CREB5: variants seen among roughly 807,000 people sequenced by gnomAD.
The protein encoded by CREB5 is cAMP responsive element binding protein 5.
A neutral mutation model predicts 57.1 loss-of-function variants in CREB5; 19 were observed. The ratio of observed to expected loss-of-function variants is 0.33; its 90% confidence interval spans 0.23 to 0.49. The LOEUF is 0.49. CREB5 is among the 20% of genes least tolerant of loss of function. CREB5 has a pLI of 0.99. For missense variants in CREB5, 579 were observed against 671.6 expected (o/e 0.86, Z 1.52); for synonymous variants, 238 against 238.3 (o/e 1.00, Z 0.01).
At chr7:28,478,906 C>A (rs923303138) in intron 1 of CREB5, among the ~76,000 whole-genome samples, 1 of 152,186 alleles carries the variant, frequency 6.6e-6, no homozygotes, top group Non-Finnish European at 1.5e-5. Flanking sequence ...TGGCAACAGA[C>A]CCCAGCCCTC....
chr7:28,456,744 T>C (rs921345474), intron 1 of CREB5, among the ~76,000 whole-genome samples: 8 of 152,264 alleles, frequency 5.3e-5, no homozygotes, highest in African/African-American at 1.7e-4. Flanking sequence ...ATATGGGTGT[T>C]GTGTCTGCCA....
intron 1 of CREB5, among the ~76,000 whole-genome samples, chr7:28,398,278 C>A (rs772934107): frequency 6.6e-6 from 1 of 152,082 alleles, no homozygotes; most frequent in Non-Finnish European, 1.5e-5. Context: ...ATGAGTAGAG[C>A]GCTCCATGGT....
At chr7:28,641,679 A>G (rs1187896590) in intron 5 of CREB5, among the ~76,000 whole-genome samples, 1 of 152,218 alleles carries the variant, frequency 6.6e-6, no homozygotes, top group African/African-American at 2.4e-5. Flanking sequence ...TCTGCCAGAA[A>G]GGAAATGGTG....
chr7:28,404,568 G>T (rs1456878013), intron 1 of CREB5, among the ~76,000 whole-genome samples: 1 of 152,092 alleles, frequency 6.6e-6, no homozygotes, highest in Admixed American at 6.6e-5. Flanking sequence ...GCTCCACCAG[G>T]CTTCTTTTAT....
chr7:28,487,851 A>G (rs2128593826), intron 1 of CREB5, among the ~76,000 whole-genome samples: 1 of 152,316 alleles, frequency 6.6e-6, no homozygotes, highest in South Asian at 2.1e-4. Context: ...CTTCTTGCAT[A>G]GGTGTGGTCT....
At chr7:28,618,899 G>A (rs1413319106) in intron 5 of CREB5, among the ~76,000 whole-genome samples, 2 of 152,194 alleles carry the variant, frequency 1.3e-5, no homozygotes, top group African/African-American at 2.4e-5. Context: ...TTCTCTTCAA[G>A]TTAACAGCAG....
chr7:28,432,114 G>A (rs2128556189), intron 1 of CREB5, among the ~76,000 whole-genome samples: 1 of 151,538 alleles, frequency 6.6e-6, no homozygotes, highest in East Asian at 2.0e-4. Context: ...ATAAAAACAT[G>A]CACTGAAACT....
At chr7:28,485,823 G>A (rs1791521538) in intron 1 of CREB5, among the ~76,000 whole-genome samples, 1 of 151,878 alleles carries the variant, frequency 6.6e-6, no homozygotes, top group South Asian at 2.1e-4. Flanking sequence ...CATTTTCTCA[G>A]CTTTAAAGTC....
chr7:28,806,942 C>T (rs544570134), intron 8 of CREB5, among the ~76,000 whole-genome samples: 9 of 152,154 alleles, frequency 5.9e-5, no homozygotes, highest in Admixed American at 4.6e-4. Flanking sequence ...CAAAAATATC[C>T]GAGCAGTTAG....
chr7:28,538,741 T>C (rs1279781059), intron 4 of CREB5, among the ~76,000 whole-genome samples: 1 of 152,226 alleles, frequency 6.6e-6, no homozygotes, highest in Non-Finnish European at 1.5e-5. Context: ...AGCTGTGCAT[T>C]TCCTTCTAAG....
intron 7 of CREB5, among the ~76,000 whole-genome samples, chr7:28,766,204 A>G (rs539224225): frequency 3.3e-5 from 5 of 152,284 alleles, no homozygotes; most frequent in Non-Finnish European, 5.9e-5. Flanking sequence ...GTTATGCACC[A>G]TCTCTTTAAA....
intron 4 of CREB5, among the ~76,000 whole-genome samples, chr7:28,549,740 T>G (rs1157651645): frequency 6.6e-6 from 1 of 152,170 alleles, no homozygotes; most frequent in Non-Finnish European, 1.5e-5. Flanking sequence ...TTATTAATTA[T>G]TATCAAGTAT....
intron 4 of CREB5, among the ~76,000 whole-genome samples, chr7:28,567,665 A>G (rs1353027838): frequency 1.3e-5 from 2 of 152,256 alleles, no homozygotes; most frequent in Non-Finnish European, 2.9e-5. Context: ...GTTTGCCTAC[A>G]TGATGATTGA....
intron 4 of CREB5, among the ~76,000 whole-genome samples, chr7:28,527,338 CT>C (rs1793490715): frequency 6.6e-6 from 1 of 152,216 alleles, no homozygotes; most frequent in Non-Finnish European, 1.5e-5. Flanking sequence ...CAAATGCCTT[CT>C]TTGGAACAGT....
chr7:28,697,563 A>G (rs551923274), intron 5 of CREB5, among the ~76,000 whole-genome samples: 2 of 151,446 alleles, frequency 1.3e-5, no homozygotes, highest in Admixed American at 6.6e-5. Context: ...TAGAAATTTC[A>G]TGACATCCAT....
rs536300653 is a variant in CREB5 at position 28,704,406 on chromosome 7, T to C, written c.465-14347T>C. ...GTAAGGAATTACTCATCTATATGTG[T>C]CCACCTTTGAGGAAAATCTACCTTT... On this transcript the variant is annotated intron_variant, in intron 5 of 10. Coordinates refer to ENST00000357727, the MANE Select transcript of CREB5 (RefSeq NM_182898.4). 2.0e-5 allele frequency among the ~76,000 whole-genome samples: 3 copies of C among 152,274 alleles called. No individual in the cohort carries two copies. The South Asian group carries it at 6.2e-4, about 32-fold the overall frequency.
chr7:28,529,004 A>G (rs1793598135), intron 4 of CREB5, among the ~76,000 whole-genome samples: 1 of 152,200 alleles, frequency 6.6e-6, no homozygotes, highest in African/African-American at 2.4e-5. Context: ...ATAACCAAGG[A>G]GACACACCAG....
chr7:28,727,067 C>G (rs914158409), intron 7 of CREB5, among the ~76,000 whole-genome samples: 1 of 151,570 alleles, frequency 6.6e-6, no homozygotes, highest in African/African-American at 2.4e-5. Context: ...ATCAAGTTCT[C>G]CAGCGCATTA....
At chr7:28,439,550 C>T (rs1789099007) in intron 1 of CREB5, among the ~76,000 whole-genome samples, 1 of 152,106 alleles carries the variant, frequency 6.6e-6, no homozygotes, top group Admixed American at 6.6e-5. Flanking sequence ...ATTATCAGCC[C>T]CAGTTTGCAG....
Sources: gnomAD v4.1 joint callset for allele counts (sites outside exome capture counted in the v4.1 genomes callset) on GRCh38, gnomAD v4.1.1 for gene constraint, MANE v1.5 for transcripts, NCBI Gene and HGNC (gene_info 2026-07-23, HGNC 2026-07-21) for gene names.